The following FAIM2 variants were observed in gnomAD, a reference collection of about 807,000 sequenced individuals.
FAIM2 encodes protein lifeguard 2.
In FAIM2, 27 loss-of-function variants were observed where a neutral mutation model predicts 47.4. That is an observed-to-expected ratio of 0.57 (90% CI 0.42 to 0.78). FAIM2 has a LOEUF of 0.78. FAIM2 is among the 30% of genes least tolerant of loss of function. The pLI is 0.00. For missense variants in FAIM2, 311 were observed against 389.4 expected, an observed-to-expected ratio of 0.80 and a Z score of 1.69; for synonymous variants, 156 against 159.3, an observed-to-expected ratio of 0.98 and a Z score of 0.16.
At chr12:49,883,616 A>C (rs447016) in intron 11 of FAIM2, among the ~76,000 whole-genome samples, 116,470 of 152,068 alleles carry the variant, frequency 0.77, 45,079 homozygotes, top group African/African-American at 0.86. Flanking sequence ...GAGATCCAGG[A>C]TAGAGATGTA....
At chr12:49,886,131 C>T (rs919875655) in intron 11 of FAIM2, among the ~76,000 whole-genome samples, 3 of 152,232 alleles carry the variant, frequency 2.0e-5, no homozygotes, top group Non-Finnish European at 2.9e-5. Flanking sequence ...TTACTGCTTC[C>T]ATTGTCAATA....
intron 1 of FAIM2, chr12:49,902,318 T>G (rs911023260): frequency 1.3e-5 from 2 of 152,160 alleles, no homozygotes; most frequent in African/African-American, 4.8e-5. Context: ...AGCCCGGCTC[T>G]CAGAAAATGG....
At chr12:49,897,769 C>CT (rs1007789281) in intron 3 of FAIM2, among the ~76,000 whole-genome samples, 186 bp from the exon 4 acceptor site, 3 of 151,342 alleles carry the variant, frequency 2.0e-5, no homozygotes, top group South Asian at 2.1e-4. Flanking sequence ...AGCGCACCCC[C>CT]CCCCAGCATT....
chr12:49,891,316 C>A (rs911922489), intron 5 of FAIM2, among the ~76,000 whole-genome samples: 2 of 152,160 alleles, frequency 1.3e-5, no homozygotes, highest in Admixed American at 1.3e-4. Flanking sequence ...ATGGGACGAG[C>A]CTGCTTCTAG....
At chr12:49,879,062 A>ACG (rs1946774828) in intron 11 of FAIM2, among the ~76,000 whole-genome samples, 1 of 122,974 alleles carries the variant, frequency 8.1e-6, no homozygotes, top group Non-Finnish European at 1.7e-5. Context: ...ATGTGCATGT[A>ACG]TGTATATGTG....
At chr12:49,887,244 C>T (rs546295089) in intron 11 of FAIM2, 142 bp downstream of exon 11, 50 of 716,544 alleles carry the variant, frequency 7.0e-5, no homozygotes, top group Middle Eastern at 3.0e-4. Context: ...AACAAACAAA[C>T]GCAGCACCGA....
At chr12:49,884,163 G>T (rs1946844786) in intron 11 of FAIM2, among the ~76,000 whole-genome samples, 1 of 152,030 alleles carries the variant, frequency 6.6e-6, no homozygotes. Context: ...GGCAGAGGTT[G>T]CAGTGAGTGG....
intron 4 of FAIM2, among the ~76,000 whole-genome samples, 158 bp from the exon 5 acceptor site, chr12:49,897,242 C>T (rs964821641): frequency 8.5e-5 from 13 of 152,290 alleles, no homozygotes; most frequent in East Asian, 5.8e-4. Context: ...CCACAGTCCC[C>T]GGCTGGGACC....
chr12:49,888,529 C>T (rs939554953), intron 10 of FAIM2, among the ~76,000 whole-genome samples: 1 of 152,178 alleles, frequency 6.6e-6, no homozygotes, highest in Non-Finnish European at 1.5e-5. Context: ...TGCCCCTTCT[C>T]CACATGCAGG....
At chr12:49,878,447 A>T (rs1278532913) in intron 11 of FAIM2, among the ~76,000 whole-genome samples, 1 of 99,126 alleles carries the variant, frequency 1.0e-5, no homozygotes, top group Non-Finnish European at 2.0e-5. Context: ...TGTGTGTCTG[A>T]GTGAATGTGT....
At chr12:49,880,544 ATGCATGCGTGTGTG>A (rs761904708) in intron 11 of FAIM2, among the ~76,000 whole-genome samples, 14 of 61,150 alleles carry the variant, frequency 2.3e-4, no homozygotes, top group Non-Finnish European at 3.5e-4. Flanking sequence ...GTGTGTATGT[ATGCATGCGTGTGTG>A]TGCATGTGTG....
rs1946685541 is a variant in FAIM2 at position 49,869,312 on chromosome 12, G to A, written c.*1192C>T. The A allele has an allele frequency of 6.5e-6, 1 of 153,118 alleles. No individual in the cohort carries two copies. Among genetic ancestry groups the A allele is most frequent in the Non-Finnish European group, 1.5e-5 (1 of 68,450 alleles). The allele number at this position is 153,118 out of a possible 1,614,324, so 9.5% of individuals were successfully genotyped here. On this transcript the variant is annotated 3_prime_UTR_variant, in exon 12 of 12. Transcript: ENST00000320634. Reference sequence around the variant, plus strand: ...CCCTGGCTGTTAGCATCAGCTGGATGGCTTCCAAATTGGAGAGATGCAGAG... The same window carrying A: ...CCCTGGCTGTTAGCATCAGCTGGATAGCTTCCAAATTGGAGAGATGCAGAG...
In FAIM2 at chr12:49,878,387, T is replaced by TGTGTGTGTGTGC. The variant is rs1565613164; in HGVS notation, c.802-7735_802-7734insGCACACACACAC. On this transcript the variant is annotated intron_variant, in intron 11 of 11. Transcript: ENST00000320634. Reference sequence around the variant, plus strand: ...ATATGTGGGCATGTGCATGTGTGTATATGTGTGTGTCTGTGTGCATGTGAG... The same window carrying TGTGTGTGTGTGC: ...ATATGTGGGCATGTGCATGTGTGTATGTGTGTGTGTGCATGTGTGTGTCTGTGTGCATGTGAG... 2.4e-3 allele frequency among the ~76,000 whole-genome samples: 81 copies of TGTGTGTGTGTGC among 33,542 alleles called. 12 individuals are homozygous for TGTGTGTGTGTGC. Among genetic ancestry groups the TGTGTGTGTGTGC allele is most frequent in the South Asian group, 9.4e-3 (11 of 1,170 alleles). The allele number at this position is 33,542 out of a possible 152,430, so 22.0% of individuals were successfully genotyped here. A position where few individuals can be genotyped will look rare whatever the true frequency, so the allele number is the denominator to read the frequency against.
chr12:49,892,458 C>A (rs116062195), intron 5 of FAIM2, among the ~76,000 whole-genome samples: 2,749 of 152,306 alleles, frequency 0.018, 82 homozygotes, highest in African/African-American at 0.063. Flanking sequence ...CCGAGCCCAA[C>A]AAACACAGTC....
intron 11 of FAIM2, among the ~76,000 whole-genome samples, chr12:49,882,396 C>G (rs1469476600): frequency 6.6e-6 from 1 of 152,100 alleles, no homozygotes; most frequent in African/African-American, 2.4e-5. Context: ...TGGTGCTGGG[C>G]CTCCGAGGGC....
intron 5 of FAIM2, among the ~76,000 whole-genome samples, chr12:49,894,859 C>T (rs1227952787): frequency 1.3e-5 from 2 of 152,194 alleles, no homozygotes; most frequent in Non-Finnish European, 2.9e-5. Context: ...GTGAAAAACA[C>T]ATGTGAAGTG....
intron 1 of FAIM2, 193 bp from the exon 2 acceptor site, chr12:49,901,518 C>G: frequency 4.0e-6 from 2 of 496,394 alleles, no homozygotes; most frequent in Non-Finnish European, 6.9e-6. Flanking sequence ...TCAGAGCTAG[C>G]TGGGGCACAT....
At chr12:49,880,034 G>A (rs1380520898) in intron 11 of FAIM2, among the ~76,000 whole-genome samples, 5 of 88,490 alleles carry the variant, frequency 5.7e-5, no homozygotes, top group Admixed American at 5.0e-4. Context: ...GTGCATGTGA[G>A]TGTATATGCA....
rs1946942677 is a variant in FAIM2, at chr12:49,897,042, G to C, written c.423C>G (p.Tyr141Ter). The change falls in exon 5 of 12, where the codon TAC (tyrosine) becomes TAG (stop). Residue 141 changes from tyrosine to a stop codon, truncating the protein, a stop_gained. Coordinates refer to ENST00000320634, the MANE Select transcript of FAIM2 (RefSeq NM_012306.4). LOFTEE classifies it high-confidence loss of function. ...TGAGATATACTCACTAGGATGCCCA[G>C]TACCAGCCTGGGTTGGCCTGGACAT... ...KDYVQANPGW[Y>*]WASYAVFFAT... The C allele has an allele frequency of 6.2e-7, 1 of 1,613,382 alleles. No individual in the cohort carries two copies. Among genetic ancestry groups the C allele is most frequent in the Non-Finnish European group, 8.5e-7 (1 of 1,179,436 alleles).
Sources: allele counts gnomAD v4.1 joint callset (sites outside exome capture counted in the v4.1 genomes callset), GRCh38; gene constraint gnomAD v4.1.1; transcripts MANE v1.5; gene names NCBI Gene and HGNC (gene_info 2026-07-23, HGNC 2026-07-21).